OR2C3: variants seen among roughly 807,000 people sequenced by gnomAD.
OR2C3 encodes olfactory receptor family 2 subfamily C member 3, also known as olfactory receptor 2C3.
For synonymous variants in OR2C3, 178 were observed against 163.4 expected, an observed-to-expected ratio of 1.09 and a Z score of -0.68; for missense variants, 425 against 401.5, an observed-to-expected ratio of 1.06 and a Z score of -0.50.
At position 247,525,079 on chromosome 1, in the gene OR2C3, C is replaced by T. The variant is rs1434847780; in HGVS notation, c.*6470G>A. 3 of 152,154 alleles carry T rather than the reference C, an allele frequency of 2.0e-5. No homozygotes were observed. The highest frequency in any genetic ancestry group is 3.8e-4 in the East Asian group (2 of 5,206). 9.4% of individuals were successfully genotyped at this position (152,154 alleles called of 1,614,324 possible). A position where few individuals can be genotyped will look rare whatever the true frequency, so the allele number is the denominator to read the frequency against. On this transcript the variant is annotated 3_prime_UTR_variant, in exon 3 of 3. Transcript: ENST00000641802. ...TTTGTACACATTATTGGCAAAAGTA[C>T]GAATTTGGTGTCTGAAGGGAAATTT...
chr1:247,535,236 A>G (rs1667171918), intron 1 of OR2C3, among the ~76,000 whole-genome samples: 1 of 152,126 alleles, frequency 6.6e-6, no homozygotes, highest in Non-Finnish European at 1.5e-5. Context: ...GATGGCTTCA[A>G]CCCACGAGAT....
At position 247,525,354 on chromosome 1, in the gene OR2C3, C is replaced by T. The variant is rs1666636708; in HGVS notation, c.*6195G>A. The stretch of plus-strand genomic sequence containing the variant: ...TGAGGGCTAAGTCTCATAAGACATC[C>T]CCGTTTCCAATACCAATTATAAGCC... On this transcript the variant is annotated 3_prime_UTR_variant, in exon 3 of 3. Coordinates refer to ENST00000641802, the MANE Select transcript of OR2C3 (RefSeq NM_198074.6). 1 of 152,180 alleles carries T rather than the reference C, an allele frequency of 6.6e-6. No individual in the cohort carries two copies. The highest frequency in any genetic ancestry group is 1.5e-5 in the Non-Finnish European group (1 of 68,054). The allele number at this position is 152,180 out of a possible 1,614,324, so 9.4% of individuals were successfully genotyped here. A position where few individuals can be genotyped will look rare whatever the true frequency, so the allele number is the denominator to read the frequency against.
At position 247,531,633 on chromosome 1, in the gene OR2C3, C is replaced by G. The variant is rs1378884125; in HGVS notation, c.879G>C (p.Leu293=). The change falls in exon 3 of 3, where the codon CTG becomes CTC. Residue 293 remains leucine (L), a synonymous_variant. Coordinates refer to ENST00000641802, the MANE Select transcript of OR2C3 (RefSeq NM_198074.6). ...TPALNPLIYT[L]RNTEVKSALR... ...GGGCGCTCTTCACCTCCGTGTTCCT[C>G]AGGGTGTAAATAAGTGGGTTCAGCG... 6.2e-7 allele frequency: 1 copy of G among 1,614,172 alleles called. No homozygotes were observed. The highest frequency in any genetic ancestry group is 1.7e-5 in the Admixed American group (1 of 60,014).
At chr1:247,534,941 C>T (rs1352408630) in intron 1 of OR2C3, among the ~76,000 whole-genome samples, 1 of 152,112 alleles carries the variant, frequency 6.6e-6, no homozygotes, top group East Asian at 1.9e-4. Context: ...AATCATCTGG[C>T]CTGCATATAG....
chr1:247,525,627 AC>A lies in OR2C3; in HGVS notation c.*5921del, dbSNP rs1186726102. 6.6e-6 allele frequency: 1 copy of A among 152,286 alleles called. No homozygotes were observed. The highest frequency in any genetic ancestry group is 1.5e-5 in the Non-Finnish European group (1 of 68,086). The allele number at this position is 152,286 out of a possible 1,614,324, so 9.4% of individuals were successfully genotyped here. A position where few individuals can be genotyped will look rare whatever the true frequency, so the allele number is the denominator to read the frequency against. ...GGTTCACCACCTTCCAGGAACCTCCACGTCTTCAGCTATCTGGAAGCCCTCT... is the reference window on the plus strand; with the variant it reads ...GGTTCACCACCTTCCAGGAACCTCCAGTCTTCAGCTATCTGGAAGCCCTCT... On this transcript the variant is annotated 3_prime_UTR_variant, in exon 3 of 3. Transcript: ENST00000641802.
intron 1 of OR2C3, among the ~76,000 whole-genome samples, chr1:247,534,179 T>C (rs1667124027): frequency 6.6e-6 from 1 of 152,208 alleles, no homozygotes; most frequent in Non-Finnish European, 1.5e-5. Context: ...TAAACTACTC[T>C]TATTTCTTTT....
chr1:247,528,420 A>C lies in OR2C3; in HGVS notation c.*3129T>G, dbSNP rs1471461029. ...AAATCCTGTCTTCACAACATGCATG[A>C]ACCTAGAAGACATTGTGTTAAGTGA... is the stretch of plus-strand genomic sequence containing the variant. On this transcript the variant is annotated 3_prime_UTR_variant, in exon 3 of 3. Coordinates refer to ENST00000641802, the MANE Select transcript of OR2C3 (RefSeq NM_198074.6). 6.6e-6 allele frequency: 1 copy of C among 152,210 alleles called. No individual in the cohort carries two copies. The highest frequency in any genetic ancestry group is 1.5e-5 in the Non-Finnish European group (1 of 68,038). 9.4% of individuals were successfully genotyped at this position (152,210 alleles called of 1,614,324 possible).
rs1300559540 is a variant in OR2C3, at chr1:247,532,414, A to G, written c.98T>C (p.Leu33Ser). ...CAAGATCGATACCATGTAAAAACTC[A>G]AGACAACTATGAAGAGGACAGTTTC... ...SLETVLFIVV[L>S]SFYMVSILGN... Residue 33 changes from leucine to serine, a missense_variant, in exon 3 of 3, where the codon TTG becomes TCG. Leu to Ser is a moderately radical substitution (Grantham distance 145). Coordinates refer to ENST00000641802, the MANE Select transcript of OR2C3 (RefSeq NM_198074.6). 6.2e-7 allele frequency: 1 copy of G among 1,614,086 alleles called. No individual in the cohort carries two copies. Among genetic ancestry groups the G allele is most frequent in the South Asian group, 1.1e-5 (1 of 91,080 alleles).
rs1666667497 is a variant in OR2C3, at chr1:247,525,986, A to AT, written c.*5562dup. On this transcript the variant is annotated 3_prime_UTR_variant, in exon 3 of 3. Transcript: ENST00000641802. ...AGTATATACATGTGAATACCATTTGATTTTTTATTCTAAAATTTATCTTGA... is the reference window on the plus strand; with the variant it reads ...AGTATATACATGTGAATACCATTTGATTTTTTTATTCTAAAATTTATCTTGA... The AT allele has an allele frequency of 6.6e-6, 1 of 152,198 alleles. No homozygotes were observed. Among genetic ancestry groups the AT allele is most frequent in the African/African-American group, 2.4e-5 (1 of 41,452 alleles). 9.4% of individuals were successfully genotyped at this position (152,198 alleles called of 1,614,324 possible).
In OR2C3 at chr1:247,532,612, T is replaced by G. The variant is rs74657119; in HGVS notation, c.-29-72A>C. 3.7e-3 allele frequency: 4,158 copies of G among 1,116,332 alleles called. 97 individuals are homozygous for G. The African/African-American group carries it at 0.053, about 14-fold the overall frequency. 69.2% of individuals were successfully genotyped at this position (1,116,332 alleles called of 1,614,324 possible). ...TACATCAGTTAGCAAACATTAAAAG[T>G]GTATTTTAGTTCATTTTATGTTATT... On this transcript the variant is annotated intron_variant, in intron 2 of 2. Coordinates refer to ENST00000641802, the MANE Select transcript of OR2C3 (RefSeq NM_198074.6).
chr1:247,531,999 C>T lies in OR2C3; in HGVS notation c.513G>A (p.Gly171=). The T allele has an allele frequency of 1.2e-6, 2 of 1,614,116 alleles. No homozygotes were observed. Among genetic ancestry groups the T allele is most frequent in the Non-Finnish European group, 1.7e-6 (2 of 1,180,008 alleles). ...STLTMLLPLC[G]NNCIDHFFCE... ...AAAAGAAGTGGTCGATGCAATTGTT[C>T]CCACACAGCGGTAGGAGCATGGTGA... Residue 171 remains glycine, a synonymous_variant, in exon 3 of 3, where the codon GGG becomes GGA. Coordinates refer to ENST00000641802, the MANE Select transcript of OR2C3 (RefSeq NM_198074.6).
At chr1:247,533,300 G>A (rs1019864846) in intron 2 of OR2C3, among the ~76,000 whole-genome samples, 1 of 152,116 alleles carries the variant, frequency 6.6e-6, no homozygotes, top group African/African-American at 2.4e-5. Flanking sequence ...AGAAGCAAAA[G>A]TTTCTCTTTC....
At position 247,536,296 on chromosome 1, in the gene OR2C3, T is replaced by C. The variant is rs1667214266; in HGVS notation, c.-530A>G. ...GTGTGGCATTAAAAAAATAGGAGTT[T>C]AGCCAGGGGATTTTAAAGCCCTGCA... On this transcript the variant is annotated 5_prime_UTR_variant, in exon 1 of 3. Coordinates refer to ENST00000641802, the MANE Select transcript of OR2C3 (RefSeq NM_198074.6). The C allele has an allele frequency of 6.6e-6, 1 of 152,190 alleles. No individual in the cohort carries two copies. Among genetic ancestry groups the C allele is most frequent in the Non-Finnish European group, 1.5e-5 (1 of 68,030 alleles). The allele number at this position is 152,190 out of a possible 1,614,324, so 9.4% of individuals were successfully genotyped here.
rs767969538 is a variant in OR2C3, at chr1:247,531,605, G to A, written c.907C>T (p.Arg303Trp). The change falls in exon 3 of 3, where the codon CGG (arginine) becomes TGG (tryptophan). Residue 303 changes from arginine (R) to tryptophan (W), a missense_variant. Transcript: ENST00000641802. ...LRNTEVKSAL[R>W]HMVLENCCGS... ...CAGCAGTTCTCTAATACCATGTGCC[G>A]GAGGGCGCTCTTCACCTCCGTGTTC... is the stretch of plus-strand genomic sequence containing the variant. 48 of 1,614,046 alleles carry A rather than the reference G, an allele frequency of 3.0e-5. No individual in the cohort carries two copies. The highest frequency in any genetic ancestry group is 1.6e-4 in the Middle Eastern group (1 of 6,084).
At chr1:247,534,437 A>C (rs1198957236) in intron 1 of OR2C3, among the ~76,000 whole-genome samples, 1 of 152,204 alleles carries the variant, frequency 6.6e-6, no homozygotes, top group Non-Finnish European at 1.5e-5. Context: ...TGTTGTCAGG[A>C]GAGAGCTCTT....
In OR2C3 at chr1:247,527,377, G is replaced by T; in HGVS notation, c.*4172C>A. ...GAGGTCAAGAAGATGACAGATATTT[G>T]GGGTAACGGGTCCCAGAGGGTCCTA... On this transcript the variant is annotated 3_prime_UTR_variant, in exon 3 of 3. Coordinates refer to ENST00000641802, the MANE Select transcript of OR2C3 (RefSeq NM_198074.6). The surrounding 1 kb of genome is among the most constrained non-coding windows in gnomAD (Gnocchi z 4.6). The T allele has an allele frequency of 5.8e-6, 1 of 172,046 alleles. No individual in the cohort carries two copies. Among genetic ancestry groups the T allele is most frequent in the East Asian group, 1.7e-4 (1 of 5,898 alleles). The allele number at this position is 172,046 out of a possible 1,614,324, so 10.7% of individuals were successfully genotyped here.
At position 247,532,071 on chromosome 1, in the gene OR2C3, CA is replaced by C; in HGVS notation, c.440del (p.Leu147TrpfsTer8). Reference sequence around the variant, plus strand: ...TGGTCAGACCCCCCAGCCAGGAGGCCAAAGCTAGCCCAAGGCAAAGCTGTGG... The same window carrying C: ...TGGTCAGACCCCCCAGCCAGGAGGCCAAGCTAGCCCAAGGCAAAGCTGTGG... ...MHPQLCLGLA[L>X]ASWLGGLTTS... On this transcript the variant is annotated frameshift_variant, in exon 3 of 3. Coordinates refer to ENST00000641802, the MANE Select transcript of OR2C3 (RefSeq NM_198074.6). LOFTEE classifies it low-confidence loss of function (END_TRUNC). 1 of 1,614,052 alleles carries C rather than the reference CA, an allele frequency of 6.2e-7. No individual in the cohort carries two copies. Among genetic ancestry groups the C allele is most frequent in the Non-Finnish European group, 8.5e-7 (1 of 1,179,986 alleles).
At chr1:247,534,715 C>T (rs914904048) in intron 1 of OR2C3, among the ~76,000 whole-genome samples, 1 of 152,166 alleles carries the variant, frequency 6.6e-6, no homozygotes, top group Non-Finnish European at 1.5e-5. Flanking sequence ...TATCAGCCTT[C>T]TTAAAATCCC....
rs1186636132 is a variant in OR2C3 at position 247,532,165 on chromosome 1, A to C, written c.347T>G (p.Leu116Arg). Residue 116 changes from leucine (L) to arginine (R), a missense_variant, in exon 3 of 3, where the codon CTG (leucine) becomes CGG (arginine). Physicochemically the swap from Leu to Arg is moderately radical, Grantham distance 102. Coordinates refer to ENST00000641802, the MANE Select transcript of OR2C3 (RefSeq NM_198074.6). Reference protein sequence around the residue: ...HWLGATECVLLATMSYDRYAA... With the variant: ...HWLGATECVLRATMSYDRYAA... ...GTAGCGGTCATAGGACATGGTGGCC[A>C]GCAGGACACACTCGGTTGCCCCCAG... 7.4e-6 allele frequency: 12 copies of C among 1,614,178 alleles called. No individual in the cohort carries two copies. The highest frequency in any genetic ancestry group is 1.3e-5 in the African/African-American group (1 of 75,060).
Sources: allele counts gnomAD v4.1 joint callset (sites outside exome capture counted in the v4.1 genomes callset), GRCh38; gene constraint gnomAD v4.1.1; non-coding constraint Gnocchi (gnomAD v3.1); transcripts MANE v1.5; gene names NCBI Gene and HGNC (gene_info 2026-07-23, HGNC 2026-07-21).